The following CNKSR2 variants were observed in gnomAD, a reference collection of about 807,000 sequenced individuals.
The protein encoded by CNKSR2 is connector enhancer of kinase suppressor of Ras 2.
CNKSR2 carries 14 observed loss-of-function variants against 84.4 expected under a neutral mutation model. That is an observed-to-expected ratio of 0.17 (90% CI 0.11 to 0.26). The LOEUF (loss-of-function observed/expected upper bound fraction) is 0.26. CNKSR2 is among the 10% of genes least tolerant of loss of function. CNKSR2 has a pLI of 1.00. For synonymous variants in CNKSR2, 275 were observed against 277.9 expected, an observed-to-expected ratio of 0.99 and a Z score of 0.10; for missense variants, 485 against 771.2, an observed-to-expected ratio of 0.63 and a Z score of 4.40.
chrX:21,470,028 T>C (rs1041051296), intron 4 of CNKSR2, among the ~76,000 whole-genome samples: 1 of 112,583 alleles, frequency 8.9e-6, no homozygotes, highest in Admixed American at 9.4e-5. Flanking sequence ...TCACAGCATT[T>C]TTATTGGGTT....
intron 7 of CNKSR2, among the ~76,000 whole-genome samples, chrX:21,499,377 G>C (rs761620215): frequency 1.8e-4 from 20 of 111,248 alleles, no homozygotes; most frequent in Non-Finnish European, 3.2e-4. Context: ...TAATTTGCAT[G>C]GATGGACAAA....
chrX:21,546,762 G>T (rs960910604), intron 11 of CNKSR2, among the ~76,000 whole-genome samples: 7 of 111,043 alleles, frequency 6.3e-5, no homozygotes, highest in Non-Finnish European at 9.5e-5. Flanking sequence ...AGAAGAGAGT[G>T]GGGGGCAACA....
chrX:21,374,633 C>CAGCAGCA lies in CNKSR2; in HGVS notation c.-265_-264insAGCAGCA, dbSNP rs1569131521. On this transcript the variant is annotated 5_prime_UTR_variant, in exon 1 of 22. Transcript: ENST00000379510. ...CAGCAGCAGCAGCAGCAGCAGCAGC[C>CAGCAGCA]GCCGCCGCCGCCGCCTTAGCGGGAA... 99 of 452,113 alleles carry CAGCAGCA rather than the reference C, an allele frequency of 2.2e-4. No individual in the cohort carries two copies. The African/African-American group carries it at 2.3e-3, about 10-fold the overall frequency. The allele number at this position is 452,113 out of a possible 1,213,427, so 37.3% of individuals were successfully genotyped here.
chrX:21,420,549 A>G (rs1286888708), intron 1 of CNKSR2, among the ~76,000 whole-genome samples: 1 of 111,445 alleles, frequency 9.0e-6, no homozygotes, highest in African/African-American at 3.3e-5. Flanking sequence ...AGTCTCACAC[A>G]GGGCCCTTGA....
intron 13 of CNKSR2, among the ~76,000 whole-genome samples, chrX:21,578,885 G>A (rs1383675905): frequency 8.9e-6 from 1 of 111,835 alleles, no homozygotes; most frequent in Non-Finnish European, 1.9e-5. Context: ...TAGACATGAA[G>A]TGAGGAAGAA....
intron 5 of CNKSR2, among the ~76,000 whole-genome samples, chrX:21,477,351 A>C (rs1402887146): frequency 2.7e-5 from 3 of 111,594 alleles, no homozygotes; most frequent in Non-Finnish European, 1.9e-5. Flanking sequence ...TCTTCTAGTT[A>C]TATAGTACTT....
rs149654004 is a variant in CNKSR2, at chrX:21,652,432, T to C, written c.3016T>C (p.Ser1006Pro). Residue 1006 changes from serine (S) to proline (P), a missense_variant, in exon 22 of 22, where the codon TCA (serine) becomes CCA (proline). Around this residue, in one of 5 missense-constraint regions of CNKSR2, gnomAD observed 210 missense variants for 291.5 expected, o/e 0.72. Transcript: ENST00000379510. ...LFLDICQNTT[S>P]NDPLSISSEV... ...CTTGGATATCTGTCAAAATACCACC[T>C]CAAATGACCCACTGAGTATTTCTTC... 8 of 1,207,703 alleles carry C rather than the reference T, an allele frequency of 6.6e-6. No individual in the cohort carries two copies. The highest frequency in any genetic ancestry group is 9.0e-6 in the Non-Finnish European group (8 of 893,029).
intron 5 of CNKSR2, among the ~76,000 whole-genome samples, chrX:21,481,205 C>T (rs1158453205): frequency 9.0e-6 from 1 of 111,341 alleles, no homozygotes; most frequent in Non-Finnish European, 1.9e-5. Flanking sequence ...ACAGTGAGAT[C>T]GGTATTATTT....
chrX:21,483,816 A>G (rs917836488), intron 5 of CNKSR2, among the ~76,000 whole-genome samples: 4 of 109,925 alleles, frequency 3.6e-5, no homozygotes, highest in Non-Finnish European at 7.6e-5. Flanking sequence ...TAAACATACT[A>G]TATTTAGTGA....
At chrX:21,501,488 G>T in intron 7 of CNKSR2, 32 bp from the exon 8 acceptor site, 1 of 972,243 alleles carries the variant, frequency 1.0e-6, no homozygotes, top group Non-Finnish European at 1.4e-6. Context: ...TAAAATTTAT[G>T]TTCTTTATCG....
At chrX:21,458,447 A>G (rs2091020475) in intron 4 of CNKSR2, among the ~76,000 whole-genome samples, 1 of 112,286 alleles carries the variant, frequency 8.9e-6, no homozygotes, top group African/African-American at 3.2e-5. Context: ...GAAATCTGTA[A>G]AAGTAATCAG....
intron 18 of CNKSR2, among the ~76,000 whole-genome samples, chrX:21,602,857 A>C (rs974973090): frequency 5.3e-5 from 6 of 112,296 alleles, no homozygotes; most frequent in African/African-American, 1.9e-4. Flanking sequence ...TTTGTTAAAG[A>C]CAAGAATTAG....
At position 21,629,772 on chromosome X, in the gene CNKSR2, G is replaced by A. The variant is rs759138668; in HGVS notation, c.2693-19059G>A. Among the ~76,000 whole-genome samples the A allele has an allele frequency of 1.2e-4, 13 of 111,972 alleles. No individual in the cohort carries two copies. In the Admixed American group the frequency reaches 1.2e-3, roughly 11 times the overall value. On this transcript the variant is annotated intron_variant, in intron 20 of 21. Coordinates refer to ENST00000379510, the MANE Select transcript of CNKSR2 (RefSeq NM_014927.5). The stretch of plus-strand genomic sequence containing the variant: ...CAATGTGTAAAGTAAGTTATCTAAT[G>A]GCAAGAGGGAAACACCCATTGATAG...
chrX:21,392,462 G>T (rs995820994), intron 1 of CNKSR2, among the ~76,000 whole-genome samples: 1 of 112,091 alleles, frequency 8.9e-6, no homozygotes, highest in African/African-American at 3.2e-5. Context: ...CAAAGGAGAA[G>T]CAGGCATGCC....
intron 20 of CNKSR2, among the ~76,000 whole-genome samples, chrX:21,629,176 C>T (rs1019517108): frequency 4.5e-5 from 5 of 112,059 alleles, no homozygotes; most frequent in African/African-American, 6.5e-5. Flanking sequence ...TCCTCATCTC[C>T]GTCTGAGACC....
chrX:21,580,570 A>G (rs890751674), intron 13 of CNKSR2, among the ~76,000 whole-genome samples: 2 of 111,856 alleles, frequency 1.8e-5, no homozygotes, highest in African/African-American at 6.5e-5. Flanking sequence ...TTGATTTCAG[A>G]TTCTTTTACA....
At chrX:21,533,481 AAG>A (rs2091902462) in intron 11 of CNKSR2, among the ~76,000 whole-genome samples, 2 of 110,894 alleles carry the variant, frequency 1.8e-5, no homozygotes, top group Admixed American at 1.9e-4. Flanking sequence ...TGTTTAATTT[AAG>A]AGAAATTATA....
At chrX:21,522,988 C>T (rs1222687378) in intron 9 of CNKSR2, among the ~76,000 whole-genome samples, 1 of 110,487 alleles carries the variant, frequency 9.1e-6, no homozygotes, top group African/African-American at 3.3e-5. Flanking sequence ...ACCAATTGAC[C>T]TAAGGTTATA....
At chrX:21,525,676 C>T (rs1009214786) in intron 9 of CNKSR2, among the ~76,000 whole-genome samples, 4 of 110,496 alleles carry the variant, frequency 3.6e-5, no homozygotes, top group Admixed American at 1.9e-4. Flanking sequence ...GCTTTTTAAG[C>T]GAATTTTGTT....
Sources: gnomAD v4.1 joint callset for allele counts (sites outside exome capture counted in the v4.1 genomes callset) on GRCh38, gnomAD v4.1.1 for gene constraint, gnomAD v4.1.1 regional missense constraint, MANE v1.5 for transcripts, NCBI Gene and HGNC (gene_info 2026-07-23, HGNC 2026-07-21) for gene names.